The following CSMD3 variants were observed in gnomAD, a reference collection of about 807,000 sequenced individuals.
CSMD3 encodes CUB and sushi domain-containing protein 3.
Under a neutral mutation model 435.2 loss-of-function variants are expected in CSMD3, and 177 were observed. The observed-to-expected ratio is 0.41, with a 90% confidence interval of 0.36 to 0.46. CSMD3 has a LOEUF of 0.46. CSMD3 is among the 20% of genes least tolerant of loss of function. CSMD3 has a pLI of 0.34. For missense variants in CSMD3, 4,265 were observed against 4,504.6 expected (o/e 0.95, Z 1.52); for synonymous variants, 1,656 against 1,520.5 (o/e 1.09, Z -2.07).
At chr8:112,345,104 A>C (rs577817200) in intron 41 of CSMD3, among the ~76,000 whole-genome samples, 40 of 152,256 alleles carry the variant, frequency 2.6e-4, no homozygotes, top group Admixed American at 3.9e-4. Flanking sequence ...ACATCTCTAT[A>C]TATAATTATA....
At chr8:112,375,720 T>C (rs1298674681) in intron 38 of CSMD3, among the ~76,000 whole-genome samples, 2 of 152,156 alleles carry the variant, frequency 1.3e-5, no homozygotes, top group African/African-American at 4.8e-5. Context: ...TTTAGAAATG[T>C]AAAAGTTGTA....
intron 1 of CSMD3, among the ~76,000 whole-genome samples, chr8:113,379,522 G>A (rs555353807): frequency 1.2e-4 from 19 of 152,286 alleles, no homozygotes; most frequent in African/African-American, 4.6e-4. Context: ...TGTAGCCTAA[G>A]AAGAAGGACT....
intron 10 of CSMD3, among the ~76,000 whole-genome samples, chr8:112,865,678 T>C (rs1209815198): frequency 8.2e-6 from 1 of 121,392 alleles, no homozygotes; most frequent in Admixed American, 9.3e-5. Flanking sequence ...GTATTACCTT[T>C]ACATACCCCA....
intron 27 of CSMD3, among the ~76,000 whole-genome samples, chr8:112,542,777 T>A (rs2131147081): frequency 6.6e-6 from 1 of 152,030 alleles, no homozygotes; most frequent in East Asian, 1.9e-4. Flanking sequence ...TGCAAAAGAA[T>A]AAAAAACTGA....
At chr8:113,228,680 C>T (rs560825870) in intron 3 of CSMD3, among the ~76,000 whole-genome samples, 1 of 151,414 alleles carries the variant, frequency 6.6e-6, no homozygotes, top group Admixed American at 6.6e-5. Context: ...GGTTGATACA[C>T]TAAACTCTGC....
At chr8:113,045,943 A>T (rs1245859265) in intron 5 of CSMD3, among the ~76,000 whole-genome samples, 6 of 149,690 alleles carry the variant, frequency 4.0e-5, no homozygotes, top group Middle Eastern at 3.4e-3. Context: ...TTAGACCAAA[A>T]TATCTGGGAA....
At chr8:113,143,220 G>A (rs1220095270) in intron 4 of CSMD3, among the ~76,000 whole-genome samples, 2 of 151,368 alleles carry the variant, frequency 1.3e-5, no homozygotes, top group African/African-American at 4.8e-5. Context: ...ACAAAAAGGT[G>A]TTAGACATCA....
chr8:113,095,737 T>C (rs1359517733), intron 5 of CSMD3, among the ~76,000 whole-genome samples: 1 of 152,186 alleles, frequency 6.6e-6, no homozygotes, highest in Non-Finnish European at 1.5e-5. Context: ...ACAAAGCATT[T>C]GCATTATATT....
chr8:112,439,244 C>T (rs989341847), intron 32 of CSMD3, among the ~76,000 whole-genome samples: 16 of 152,018 alleles, frequency 1.1e-4, no homozygotes, highest in East Asian at 1.9e-4. Flanking sequence ...GGGTTCACGC[C>T]ATTCTCCTGC....
intron 6 of CSMD3, among the ~76,000 whole-genome samples, chr8:112,996,965 C>T (rs553500440): frequency 5.9e-5 from 9 of 151,712 alleles, no homozygotes; most frequent in South Asian, 2.1e-4. Flanking sequence ...ATGCTGTCTT[C>T]TCATAGCCTG....
intron 14 of CSMD3, among the ~76,000 whole-genome samples, chr8:112,688,783 AT>A (rs1387475726): frequency 6.6e-6 from 1 of 152,046 alleles, no homozygotes; most frequent in African/African-American, 2.4e-5. Flanking sequence ...ATCAGACCTA[AT>A]TTTAAAATAG....
chr8:112,681,295 G>A (rs972857708), intron 16 of CSMD3, among the ~76,000 whole-genome samples: 71 of 151,396 alleles, frequency 4.7e-4, no homozygotes, highest in Middle Eastern at 3.4e-3. Flanking sequence ...CTCGTGATCC[G>A]CCCGCCTTGG....
chr8:112,228,081 T>C (rs1175328814), intron 70 of CSMD3, among the ~76,000 whole-genome samples: 3 of 151,980 alleles, frequency 2.0e-5, no homozygotes, highest in African/African-American at 7.3e-5. Flanking sequence ...GGAAAGGCAT[T>C]TAGGTTATAG....
At chr8:113,329,227 A>ATAAATAAG (rs1554612245) in intron 1 of CSMD3, among the ~76,000 whole-genome samples, 1 of 151,144 alleles carries the variant, frequency 6.6e-6, no homozygotes, top group Non-Finnish European at 1.5e-5. Flanking sequence ...AAATAAATAA[A>ATAAATAAG]TAAATAAGGA....
At chr8:113,101,598 A>G (rs961329600) in intron 4 of CSMD3, among the ~76,000 whole-genome samples, 6 of 152,052 alleles carry the variant, frequency 3.9e-5, no homozygotes, top group Non-Finnish European at 7.4e-5. Flanking sequence ...TGGAAGAGAG[A>G]ACAACCCAGA....
intron 1 of CSMD3, among the ~76,000 whole-genome samples, chr8:113,339,486 A>G (rs1390109332): frequency 6.6e-6 from 1 of 151,998 alleles, no homozygotes; most frequent in African/African-American, 2.4e-5. Context: ...GAAGAGGACA[A>G]TTTTGATCTT....
Position 112,737,633 on chromosome 8 carries a change from T to A in CSMD3, c.1973-47583A>T, listed in dbSNP as rs115606329. On this transcript the variant is annotated intron_variant, in intron 13 of 70. Coordinates refer to ENST00000297405, the MANE Select transcript of CSMD3 (RefSeq NM_198123.2). ...CATATCATTCTCAGAAGTGTCCTGG[T>A]TTGAACAATAAATCATATTGTCACC... 2.3e-3 allele frequency among the ~76,000 whole-genome samples: 344 copies of A among 151,978 alleles called. 1 individual carries two copies. Among genetic ancestry groups the A allele is most frequent in the African/African-American group, 8.0e-3 (333 of 41,502 alleles).
chr8:112,626,156 A>C lies in CSMD3; in HGVS notation c.3715+10661T>G, dbSNP rs562780388. ...ATAATGAAAAAATGAAATTCATTTT[A>C]TCTCATACCGATAATATTTTCGTTA... On this transcript the variant is annotated intron_variant, in intron 22 of 70. Coordinates refer to ENST00000297405, the MANE Select transcript of CSMD3 (RefSeq NM_198123.2). Among the ~76,000 whole-genome samples, 56 of 152,274 alleles carry C rather than the reference A, an allele frequency of 3.7e-4. 1 individual carries two copies. The highest frequency in any genetic ancestry group is 2.0e-3 in the Admixed American group (30 of 15,262).
At chr8:112,976,293 T>C in intron 6 of CSMD3, 145 bp from the exon 7 acceptor site, 1 of 916,130 alleles carries the variant, frequency 1.1e-6, no homozygotes. Flanking sequence ...GCGAGTAAAT[T>C]GTGAAGCGCA....
Sources: gnomAD v4.1 joint callset for allele counts (sites outside exome capture counted in the v4.1 genomes callset) on GRCh38, gnomAD v4.1.1 for gene constraint, MANE v1.5 for transcripts, NCBI Gene and HGNC (gene_info 2026-07-23, HGNC 2026-07-21) for gene names.